Variants in AFF2 observed in about 807,000 individuals in gnomAD.
AFF2 encodes AF4/FMR2 family member 2.
Under a neutral mutation model 76.9 loss-of-function variants are expected in AFF2, and 14 were observed. The observed-to-expected ratio is 0.18, with a 90% CI of 0.12 to 0.28. The LOEUF (loss-of-function observed/expected upper bound fraction) is 0.28. AFF2 is among the 10% of genes least tolerant of loss of function. AFF2 has a pLI of 1.00. For missense variants in AFF2, 868 were observed against 1,001.1 expected, an observed-to-expected ratio of 0.87 and a Z score of 1.79; for synonymous variants, 398 against 366.7, an observed-to-expected ratio of 1.09 and a Z score of -0.98.
At chrX:148,914,673 G>T (rs144640635) in intron 9 of AFF2, among the ~76,000 whole-genome samples, 1 of 111,618 alleles carries the variant, frequency 9.0e-6, no homozygotes, top group African/African-American at 3.3e-5. Flanking sequence ...TTCCCTTGTG[G>T]CTTCATGAAC....
At chrX:148,885,107 C>G (rs182229532) in intron 7 of AFF2, among the ~76,000 whole-genome samples, 1 of 111,737 alleles carries the variant, frequency 8.9e-6, no homozygotes, top group African/African-American at 3.3e-5. Flanking sequence ...ATAAGCTATT[C>G]GTCCTGCTGT....
chrX:148,610,968 G>A (rs2053724092), intron 1 of AFF2, among the ~76,000 whole-genome samples: 1 of 112,361 alleles, frequency 8.9e-6, no homozygotes, highest in Admixed American at 9.4e-5. Flanking sequence ...AATTATATTA[G>A]TTGACATTGA....
chrX:148,891,102 G>A (rs376212762), intron 8 of AFF2, among the ~76,000 whole-genome samples: 24 of 111,554 alleles, frequency 2.2e-4, no homozygotes, highest in African/African-American at 7.5e-4. Context: ...CCTTCCCCAT[G>A]AAACACTTAT....
At chrX:148,704,565 C>T (rs1386557472) in intron 3 of AFF2, among the ~76,000 whole-genome samples, 5 of 87,510 alleles carry the variant, frequency 5.7e-5, no homozygotes, top group African/African-American at 8.0e-5. Flanking sequence ...CTTGCTCTGA[C>T]GTGCAGGCTG....
intron 10 of AFF2, 73 bp downstream of exon 10, chrX:148,953,812 C>G (rs2072000785): frequency 1.4e-6 from 1 of 692,212 alleles, no homozygotes; most frequent in Non-Finnish European, 2.2e-6. Flanking sequence ...CACACACACA[C>G]AGACACACAC....
intron 9 of AFF2, among the ~76,000 whole-genome samples, chrX:148,935,336 T>C (rs1394444061): frequency 1.8e-5 from 2 of 110,168 alleles, no homozygotes; most frequent in African/African-American, 6.6e-5. Context: ...AGACTTTCTC[T>C]TTATAAGCTA....
At chrX:148,545,498 C>T (rs369469712) in intron 1 of AFF2, among the ~76,000 whole-genome samples, 1 of 111,616 alleles carries the variant, frequency 9.0e-6, no homozygotes, top group East Asian at 2.8e-4. Context: ...TTAAAATAAG[C>T]TGGATGCCTT....
chrX:148,758,699 CT>C (rs1283001469), intron 3 of AFF2, among the ~76,000 whole-genome samples: 1 of 111,637 alleles, frequency 9.0e-6, no homozygotes, highest in African/African-American at 3.3e-5. Flanking sequence ...AACATTTCCC[CT>C]TTTGTTGAAC....
At chrX:148,776,981 G>A (rs1208864364) in intron 3 of AFF2, among the ~76,000 whole-genome samples, 9 of 111,742 alleles carry the variant, frequency 8.1e-5, no homozygotes, top group African/African-American at 2.6e-4. Context: ...GGGTTTTTAC[G>A]GTTTTAGTTC....
rs1054003187 is a variant in AFF2 at position 148,642,233 on chromosome X, G to A, written c.48-9766G>A. ...AGCCTATAGGGGGTAGAATTTGCCT[G>A]GGCAAAAATTAGTGAGTGCAAGTGG... is the stretch of plus-strand genomic sequence containing the variant. On this transcript the variant is annotated intron_variant, in intron 1 of 20. Transcript: ENST00000370460. 1.1e-4 allele frequency among the ~76,000 whole-genome samples: 12 copies of A among 112,244 alleles called. No individual in the cohort carries two copies. In the East Asian group the frequency reaches 3.4e-3, roughly 32 times the overall value.
At chrX:148,930,443 C>A (rs1176983500) in intron 9 of AFF2, among the ~76,000 whole-genome samples, 1 of 112,058 alleles carries the variant, frequency 8.9e-6, no homozygotes, top group African/African-American at 3.2e-5. Context: ...ATAGCAGAAG[C>A]CCTCTGTGTT....
intron 4 of AFF2, among the ~76,000 whole-genome samples, chrX:148,832,590 G>A: frequency 8.9e-6 from 1 of 112,107 alleles, no homozygotes; most frequent in Middle Eastern, 4.6e-3. Flanking sequence ...GGGGCTGGTA[G>A]CAATGAGCTT....
At chrX:148,597,905 G>A (rs1557247550) in intron 1 of AFF2, among the ~76,000 whole-genome samples, 2 of 112,149 alleles carry the variant, frequency 1.8e-5, no homozygotes, top group East Asian at 2.8e-4. Flanking sequence ...GAAATGGCTC[G>A]CTGCGGTATA....
rs2072617097 is a variant in AFF2 at position 148,997,452 on chromosome X, AAGAAC to A, written c.*6121_*6125del. ...AAGAGGTTTGTATCTGGAAAGATGG[AAGAAC>A]TTGTTCTAAAATCTTATTTTTCAAA... On this transcript the variant is annotated 3_prime_UTR_variant, in exon 21 of 21. Transcript: ENST00000370460. 8.9e-6 allele frequency: 1 copy of A among 112,196 alleles called. No individual in the cohort carries two copies. The highest frequency in any genetic ancestry group is 1.9e-5 in the Non-Finnish European group (1 of 53,254). The allele number at this position is 112,196 out of a possible 1,213,427, so 9.2% of individuals were successfully genotyped here.
rs1249326222 is a variant in AFF2 at position 148,866,925 on chromosome X, G to A, written c.1263-18964G>A. On this transcript the variant is annotated intron_variant, in intron 7 of 20. Coordinates refer to ENST00000370460, the MANE Select transcript of AFF2 (RefSeq NM_002025.4). ...AGACTAAGCCCATTTATTTTTCTAG[G>A]AAAACCGAGGGATTCGATATCCAGA... Among the ~76,000 whole-genome samples, 4 of 111,741 alleles carry A rather than the reference G, an allele frequency of 3.6e-5. No homozygotes were observed. The Admixed American group carries it at 3.8e-4, about 11-fold the overall frequency.
chrX:148,703,269 A>G (rs1255392897), intron 3 of AFF2, among the ~76,000 whole-genome samples: 2 of 111,878 alleles, frequency 1.8e-5, no homozygotes, highest in Non-Finnish European at 3.8e-5. Flanking sequence ...TTCATATTAC[A>G]GGGCCCGGAA....
intron 1 of AFF2, among the ~76,000 whole-genome samples, chrX:148,626,639 C>T (rs1337847027): frequency 9.0e-6 from 1 of 110,740 alleles, no homozygotes; most frequent in African/African-American, 3.3e-5. Context: ...AAGAATTCTT[C>T]CTTGCTTCTT....
At chrX:148,516,375 G>A (rs888269023) in intron 1 of AFF2, among the ~76,000 whole-genome samples, 9 of 111,424 alleles carry the variant, frequency 8.1e-5, no homozygotes, top group African/African-American at 2.9e-4. Context: ...ACACCCCTCC[G>A]GATATCCTCT....
intron 9 of AFF2, among the ~76,000 whole-genome samples, chrX:148,910,101 G>A (rs2071452278): frequency 1.8e-5 from 2 of 112,445 alleles, no homozygotes; most frequent in African/African-American, 3.2e-5. Flanking sequence ...ACACACTGTT[G>A]TCAAGCATAA....
Sources: allele counts gnomAD v4.1 joint callset (sites outside exome capture counted in the v4.1 genomes callset), GRCh38; gene constraint gnomAD v4.1.1; transcripts MANE v1.5; gene names NCBI Gene and HGNC (gene_info 2026-07-23, HGNC 2026-07-21).